The following UBE4B variants were observed in gnomAD, a reference collection of about 807,000 sequenced individuals.
UBE4B encodes the protein ubiquitin conjugation factor E4 B.
Under a neutral mutation model 148.1 loss-of-function variants are expected in UBE4B, and 27 were observed. That is an observed-to-expected ratio of 0.18 (90% CI 0.13 to 0.25). The LOEUF is 0.25. Among genes scored for constraint, UBE4B ranks in the 10% least tolerant of loss-of-function variants. The pLI is 1.00. For missense variants in UBE4B, 1,170 were observed against 1,662.4 expected (o/e 0.70, Z 5.15); for synonymous variants, 596 against 619.3 (o/e 0.96, Z 0.56).
At chr1:10,066,777 G>A (rs1226960189) in intron 1 of UBE4B, among the ~76,000 whole-genome samples, 1 of 151,790 alleles carries the variant, frequency 6.6e-6, no homozygotes, top group Non-Finnish European at 1.5e-5. Flanking sequence ...ATTTTGGCAG[G>A]CGCCTGTAGT....
intron 1 of UBE4B, among the ~76,000 whole-genome samples, chr1:10,064,857 G>C (rs566631205): frequency 5.9e-5 from 9 of 151,470 alleles, no homozygotes; most frequent in Non-Finnish European, 1.0e-4. Flanking sequence ...TCCACCTCCC[G>C]GGTTCAAGCA....
intron 2 of UBE4B, among the ~76,000 whole-genome samples, chr1:10,092,932 C>A (rs185202559): frequency 1.3e-5 from 2 of 152,192 alleles, no homozygotes; most frequent in Non-Finnish European, 2.9e-5. Flanking sequence ...AGAATTGCCC[C>A]ACTTGATCCG....
intron 21 of UBE4B, among the ~76,000 whole-genome samples, chr1:10,157,781 T>TAA (rs1435013792): frequency 2.0e-5 from 3 of 151,612 alleles, no homozygotes; most frequent in Non-Finnish European, 4.4e-5. Flanking sequence ...GTCTCAAAAA[T>TAA]AATAATAATA....
At position 10,161,999 on chromosome 1, in the gene UBE4B, C is replaced by CT. The variant is rs764089127; in HGVS notation, c.3198+729dup. 3.5e-3 allele frequency among the ~76,000 whole-genome samples: 474 copies of CT among 137,216 alleles called. 4 individuals carry two copies. Among genetic ancestry groups the CT allele is most frequent in the East Asian group, 7.5e-3 (36 of 4,798 alleles). 90.0% of individuals were successfully genotyped at this position (137,216 alleles called of 152,430 possible). A position where few individuals can be genotyped will look rare whatever the true frequency, so the allele number is the denominator to read the frequency against. On this transcript the variant is annotated intron_variant, in intron 23 of 27. Coordinates refer to ENST00000343090, the MANE Select transcript of UBE4B (RefSeq NM_001105562.3). The surrounding 1 kb of genome is among the most constrained non-coding windows in gnomAD (Gnocchi z 4.1). The stretch of plus-strand genomic sequence containing the variant: ...GGGGACTGCTTTTTCTTCACTTTTT[C>CT]TTTTTTTTTTTTTTTTGAGACGGAG...
intron 10 of UBE4B, among the ~76,000 whole-genome samples, chr1:10,122,381 C>T (rs1045344323): frequency 6.6e-6 from 1 of 152,102 alleles, no homozygotes; most frequent in African/African-American, 2.4e-5. Context: ...AACAAGAATA[C>T]CCAGAGACGG....
At chr1:10,173,715 G>A (rs1033398244) in intron 25 of UBE4B, among the ~76,000 whole-genome samples, 1 of 152,136 alleles carries the variant, frequency 6.6e-6, no homozygotes, top group African/African-American at 2.4e-5. Context: ...TTCCATCGTT[G>A]CCGTAGAGAG....
At chr1:10,139,306 G>A (rs1645748684) in intron 17 of UBE4B, among the ~76,000 whole-genome samples, 3 of 152,194 alleles carry the variant, frequency 2.0e-5, no homozygotes, top group Middle Eastern at 3.4e-3. Flanking sequence ...CAGGAGAGTC[G>A]CTTGAACCCG....
chr1:10,066,320 G>T (rs1416514540), intron 1 of UBE4B, among the ~76,000 whole-genome samples: 1 of 151,582 alleles, frequency 6.6e-6, no homozygotes, highest in Admixed American at 6.6e-5. Context: ...GGGGGGAGGG[G>T]GTCTTGCCAT....
intron 25 of UBE4B, among the ~76,000 whole-genome samples, chr1:10,178,420 A>G (rs1260195541): frequency 6.6e-6 from 1 of 152,190 alleles, no homozygotes; most frequent in Admixed American, 6.5e-5. Flanking sequence ...TTTGGCACAT[A>G]TTATTCCAGT....
intron 7 of UBE4B, among the ~76,000 whole-genome samples, chr1:10,111,459 GGGT>G (rs2101904174): frequency 6.6e-6 from 1 of 152,194 alleles, no homozygotes; most frequent in Admixed American, 6.5e-5. Flanking sequence ...GTCTATCAGA[GGGT>G]GGCCACTGAC....
At chr1:10,062,783 C>A (rs974720268) in intron 1 of UBE4B, among the ~76,000 whole-genome samples, 7 of 151,782 alleles carry the variant, frequency 4.6e-5, no homozygotes, top group African/African-American at 1.7e-4. Flanking sequence ...ATGGCCAAAC[C>A]CCATCTTTAC....
At chr1:10,153,109 T>G (rs75471522) in intron 21 of UBE4B, among the ~76,000 whole-genome samples, 2,655 of 152,048 alleles carry the variant, frequency 0.017, 34 homozygotes, top group Non-Finnish European at 0.027. Context: ...CCTTCAGTTT[T>G]CCAGTTCTCC....
intron 1 of UBE4B, among the ~76,000 whole-genome samples, chr1:10,050,919 G>A (rs1644027874): frequency 6.6e-6 from 1 of 152,090 alleles, no homozygotes; most frequent in Non-Finnish European, 1.5e-5. Flanking sequence ...ATTAAGTTGT[G>A]TTAATTAGGT....
chr1:10,120,959 A>G (rs1014574701), intron 9 of UBE4B, among the ~76,000 whole-genome samples: 1 of 152,202 alleles, frequency 6.6e-6, no homozygotes, highest in East Asian at 1.9e-4. Flanking sequence ...TTTCAAAAAG[A>G]AGGAAAATTA....
chr1:10,149,008 C>A (rs902764931), intron 19 of UBE4B, among the ~76,000 whole-genome samples, 176 bp from the exon 20 acceptor site: 2 of 152,164 alleles, frequency 1.3e-5, no homozygotes, highest in African/African-American at 4.8e-5. Flanking sequence ...GCACTGTCTT[C>A]ATTATTCCCT....
Position 10,179,965 on chromosome 1 carries a change from G to A in UBE4B, c.*9G>A, listed in dbSNP as rs764484000. On this transcript the variant is annotated 3_prime_UTR_variant, in exon 28 of 28. Transcript: ENST00000343090. ...AGAACAGCGATCACTAAACCGTTCC[G>A]CCGCCCACCCTCTGCTAGACACAGC... 54 of 1,613,836 alleles carry A rather than the reference G, an allele frequency of 3.3e-5. No individual in the cohort carries two copies. The highest frequency in any genetic ancestry group is 1.1e-4 in the African/African-American group (8 of 74,872).
chr1:10,155,824 A>T (rs1646060300), intron 21 of UBE4B, among the ~76,000 whole-genome samples: 1 of 152,190 alleles, frequency 6.6e-6, no homozygotes, highest in Non-Finnish European at 1.5e-5. Context: ...GGAGTTTGAG[A>T]CCAGCCTGGC....
In UBE4B at chr1:10,168,027, T is replaced by C; in HGVS notation, c.3199-109T>C. ...GACATGTGGCAGGCGGTTCTGTCAT[T>C]CCCTAAGCATGTTGGGTTTATCACG... On this transcript the variant is annotated intron_variant, in intron 23 of 27. Transcript: ENST00000343090. The surrounding 1 kb of genome is among the most constrained non-coding windows in gnomAD (Gnocchi z 4.9). 1 of 1,331,418 alleles carries C rather than the reference T, an allele frequency of 7.5e-7. No individual in the cohort carries two copies. 82.5% of individuals were successfully genotyped at this position (1,331,418 alleles called of 1,614,324 possible). A position where few individuals can be genotyped will look rare whatever the true frequency, so the allele number is the denominator to read the frequency against.
chr1:10,033,128 G>C lies in UBE4B; in HGVS notation c.-543G>C, dbSNP rs1476240661. 6.6e-6 allele frequency: 1 copy of C among 152,574 alleles called. No homozygotes were observed. The highest frequency in any genetic ancestry group is 2.4e-5 in the African/African-American group (1 of 41,478). 9.5% of individuals were successfully genotyped at this position (152,574 alleles called of 1,614,324 possible). A position where few individuals can be genotyped will look rare whatever the true frequency, so the allele number is the denominator to read the frequency against. ...TCCGGCGTGGAGGCGGGGCGTGGCC[G>C]GCCTGCTTTGGGAGGGGAGGGGCTT... On this transcript the variant is annotated 5_prime_UTR_variant, in exon 1 of 28. Transcript: ENST00000343090.
Sources: allele counts gnomAD v4.1 joint callset (sites outside exome capture counted in the v4.1 genomes callset), GRCh38; gene constraint gnomAD v4.1.1; non-coding constraint Gnocchi (gnomAD v3.1); transcripts MANE v1.5; gene names NCBI Gene and HGNC (gene_info 2026-07-23, HGNC 2026-07-21).